Variants in GLMN observed in about 807,000 individuals in gnomAD.
The protein encoded by GLMN is glomulin.
Under a neutral mutation model 87.8 loss-of-function variants are expected in GLMN, and 75 were observed. That is an observed-to-expected ratio of 0.85 (90% CI 0.71 to 1.04). GLMN has a LOEUF of 1.04. GLMN is among the 50% of genes least tolerant of loss of function. The pLI, the probability that GLMN is intolerant of heterozygous loss-of-function variation, is 0.00. For missense variants in GLMN, 588 were observed against 658.8 expected, an observed-to-expected ratio of 0.89 and a Z score of 1.18; for synonymous variants, 206 against 221.6, an observed-to-expected ratio of 0.93 and a Z score of 0.63.
In GLMN at chr1:92,261,616, T is replaced by A. The variant is rs79079651; in HGVS notation, c.1473+1247A>T. ...ATGCTGGAAATGTTCTATATTGATA[T>A]GGGTTTGAGTAATATAGATCTATGT... is the stretch of plus-strand genomic sequence containing the variant. On this transcript the variant is annotated intron_variant, in intron 16 of 18. Transcript: ENST00000370360. 3.3e-3 allele frequency among the ~76,000 whole-genome samples: 504 copies of A among 152,298 alleles called. 1 individual carries two copies. Among genetic ancestry groups the A allele is most frequent in the Admixed American group, 5.3e-3 (81 of 15,302 alleles).
At chr1:92,305,296 G>A in the GLMN span, among the ~76,000 whole-genome samples, 1 of 151,520 alleles carries the variant, frequency 6.6e-6, no homozygotes, top group Non-Finnish European at 1.5e-5. Context: ...AGCCAAACGT[G>A]ATGGCGGGCG....
chr1:92,270,036 A>G (rs1656073849), intron 8 of GLMN, among the ~76,000 whole-genome samples: 1 of 152,198 alleles, frequency 6.6e-6, no homozygotes, highest in South Asian at 2.1e-4. Flanking sequence ...AGACACAAGC[A>G]CACAGGGAGA....
the GLMN span, among the ~76,000 whole-genome samples, chr1:92,367,436 G>T: frequency 6.6e-6 from 1 of 152,200 alleles, no homozygotes; most frequent in African/African-American, 2.4e-5. Flanking sequence ...CATAGTGCCT[G>T]TGCATGTACA....
At chr1:92,357,007 A>G in the GLMN span, among the ~76,000 whole-genome samples, 3 of 151,764 alleles carry the variant, frequency 2.0e-5, no homozygotes, top group South Asian at 4.2e-4. Context: ...CAGAGGTTGC[A>G]GTGAGCTGAG....
intron 16 of GLMN, among the ~76,000 whole-genome samples, chr1:92,258,234 A>G (rs1223771344): frequency 7.2e-6 from 1 of 139,450 alleles, no homozygotes; most frequent in Non-Finnish European, 1.5e-5. Flanking sequence ...AATGGCGATC[A>G]TTAAAAAGTC....
chr1:92,366,753 A>G, the GLMN span, among the ~76,000 whole-genome samples: 8 of 152,212 alleles, frequency 5.3e-5, no homozygotes, highest in Non-Finnish European at 8.8e-5. Flanking sequence ...AGTATATACC[A>G]GACTTTTTTT....
At chr1:92,308,139 C>T in the GLMN span, among the ~76,000 whole-genome samples, 3 of 152,090 alleles carry the variant, frequency 2.0e-5, no homozygotes, top group Non-Finnish European at 2.9e-5. Context: ...ACACCACTCT[C>T]AATTCAAATA....
chr1:92,302,417 A>G (rs1409871274), upstream of GLMN, among the ~76,000 whole-genome samples: 2 of 151,300 alleles, frequency 1.3e-5, no homozygotes, highest in Non-Finnish European at 2.9e-5. Context: ...ATTTTCTTCA[A>G]TTTGTTCTAA....
chr1:92,252,704 T>C (rs1476321955), intron 16 of GLMN, among the ~76,000 whole-genome samples: 1 of 151,776 alleles, frequency 6.6e-6, no homozygotes, highest in Non-Finnish European at 1.5e-5. Context: ...CAGATCGTTT[T>C]TAAAGAAATA....
intron 7 of GLMN, among the ~76,000 whole-genome samples, chr1:92,272,019 T>C (rs1291282303): frequency 6.6e-6 from 1 of 152,216 alleles, no homozygotes; most frequent in African/African-American, 2.4e-5. Flanking sequence ...AGCTGCCATG[T>C]TATGAGAAGG....
chr1:92,265,409 G>C (rs1338969797), intron 13 of GLMN, among the ~76,000 whole-genome samples: 1 of 151,650 alleles, frequency 6.6e-6, no homozygotes, highest in African/African-American at 2.4e-5. Context: ...GAACAGGAAA[G>C]CCGGTATAAT....
chr1:92,294,139 G>C (rs1326727537), intron 3 of GLMN, among the ~76,000 whole-genome samples: 1 of 152,154 alleles, frequency 6.6e-6, no homozygotes, highest in Non-Finnish European at 1.5e-5. Context: ...ATAAATGCTT[G>C]AGGGGATGGA....
intron 7 of GLMN, among the ~76,000 whole-genome samples, chr1:92,284,476 T>C (rs990655486): frequency 6.6e-6 from 1 of 152,188 alleles, no homozygotes; most frequent in African/African-American, 2.4e-5. Context: ...TAACTCAAGA[T>C]GGATTAAAGA....
the GLMN span, among the ~76,000 whole-genome samples, chr1:92,311,908 A>G: frequency 1.4e-4 from 22 of 152,304 alleles, no homozygotes; most frequent in African/African-American, 5.3e-4. Flanking sequence ...GCAAGTATTA[A>G]TCTTTTTGCT....
At chr1:92,322,343 G>C in the GLMN span, among the ~76,000 whole-genome samples, 6 of 150,738 alleles carry the variant, frequency 4.0e-5, no homozygotes, top group African/African-American at 1.5e-4. Flanking sequence ...TCGGGAGTTT[G>C]AGACCAGCCT....
At chr1:92,275,537 A>G (rs1647213287) in intron 7 of GLMN, among the ~76,000 whole-genome samples, 2 of 152,066 alleles carry the variant, frequency 1.3e-5, no homozygotes, top group South Asian at 4.2e-4. Flanking sequence ...CCCTTAGCTC[A>G]TGTCTTCTAG....
At chr1:92,266,769 A>G in intron 11 of GLMN, 28 bp from the exon 12 acceptor site, 1 of 1,488,874 alleles carries the variant, frequency 6.7e-7, no homozygotes, top group African/African-American at 1.4e-5. Context: ...TAAAATTCAG[A>G]TGTAAACAGA....
chr1:92,294,208 T>C (rs1396348832), intron 3 of GLMN, among the ~76,000 whole-genome samples: 1 of 152,170 alleles, frequency 6.6e-6, no homozygotes, highest in East Asian at 1.9e-4. Flanking sequence ...AAACATCTCA[T>C]GTACCCATCA....
intron 3 of GLMN, among the ~76,000 whole-genome samples, chr1:92,294,943 T>C (rs1649854405): frequency 6.6e-6 from 1 of 152,226 alleles, no homozygotes; most frequent in Non-Finnish European, 1.5e-5. Context: ...CCTCCCAAAG[T>C]GCTGGGATTA....
Sources: gnomAD v4.1 joint callset for allele counts (sites outside exome capture counted in the v4.1 genomes callset) on GRCh38, gnomAD v4.1.1 for gene constraint, MANE v1.5 for transcripts, NCBI Gene and HGNC (gene_info 2026-07-23, HGNC 2026-07-21) for gene names.